VAV1: variants seen among roughly 807,000 people sequenced by gnomAD.
VAV1 encodes the protein proto-oncogene vav.
In VAV1, 33 loss-of-function variants were observed where a neutral mutation model predicts 128.1. The observed-to-expected ratio is 0.26, with a 90% confidence interval of 0.20 to 0.34. The LOEUF is 0.34. Ranked by LOEUF, VAV1 falls within the 10% of genes least tolerant of loss-of-function variation. The pLI is 1.00. For synonymous variants in VAV1, 394 were observed against 409.8 expected (o/e 0.96, Z 0.47); for missense variants, 715 against 1,093.7 (o/e 0.65, Z 4.88).
chr19:6,796,255 GA>G (rs201259230), intron 1 of VAV1, among the ~76,000 whole-genome samples: 1 of 152,156 alleles, frequency 6.6e-6, no homozygotes, highest in Non-Finnish European at 1.5e-5. Context: ...GTGTACTCGA[GA>G]GAGAGGTGGG....
chr19:6,821,763 C>T, intron 3 of VAV1, 28 bp from the exon 4 acceptor site: 1 of 1,613,976 alleles, frequency 6.2e-7, no homozygotes, highest in Non-Finnish European at 8.5e-7. Flanking sequence ...CCCCCAGGCC[C>T]CTGGCTCACA....
At chr19:6,823,018 A>G (rs991317448) in intron 6 of VAV1, among the ~76,000 whole-genome samples, 4 of 147,966 alleles carry the variant, frequency 2.7e-5, no homozygotes, top group Non-Finnish European at 6.0e-5. Context: ...ATAGGTATAT[A>G]TCTTTTTATA....
intron 15 of VAV1, among the ~76,000 whole-genome samples, chr19:6,832,653 T>TCC (rs1972108311): frequency 1.7e-5 from 2 of 119,664 alleles, no homozygotes; most frequent in African/African-American, 2.9e-5. Context: ...CCTCCCCTTC[T>TCC]TCCTCCTCCT....
chr19:6,800,206 T>C (rs569232020), intron 1 of VAV1, among the ~76,000 whole-genome samples: 43 of 151,958 alleles, frequency 2.8e-4, no homozygotes, highest in African/African-American at 1.0e-3. Flanking sequence ...GGTAAAAAAA[T>C]AATAGTAATA....
At chr19:6,852,879 G>T in intron 24 of VAV1, 86 bp from the exon 25 acceptor site, 1 of 1,038,834 alleles carries the variant, frequency 9.6e-7, no homozygotes, top group Non-Finnish European at 1.5e-6. Context: ...TGCTTCATGT[G>T]AGGAGTTGCA....
At chr19:6,852,778 T>C (rs546754097) in intron 24 of VAV1, among the ~76,000 whole-genome samples, 187 bp from the exon 25 acceptor site, 2 of 150,534 alleles carry the variant, frequency 1.3e-5, no homozygotes, top group Non-Finnish European at 3.0e-5. Flanking sequence ...CCCTTCCCCA[T>C]AAATAGTCCT....
chr19:6,847,213 G>T (rs1244782367), intron 22 of VAV1, among the ~76,000 whole-genome samples: 1 of 152,050 alleles, frequency 6.6e-6, no homozygotes, highest in Non-Finnish European at 1.5e-5. Context: ...CGCCCAGCCA[G>T]TGCCATTTGG....
At chr19:6,800,693 C>A (rs780416467) in intron 1 of VAV1, among the ~76,000 whole-genome samples, 11 of 151,938 alleles carry the variant, frequency 7.2e-5, no homozygotes, top group Non-Finnish European at 1.6e-4. Context: ...GTGATCTCGG[C>A]TCACTGCCAC....
Position 6,853,027 on chromosome 19 carries a change from C to A in VAV1, c.2280C>A (p.Thr760=). Residue 760 remains threonine, a synonymous_variant, in exon 25 of 27, where the codon ACC becomes ACA. Coordinates refer to ENST00000602142, the MANE Select transcript of VAV1 (RefSeq NM_005428.4). The part of the protein sequence containing the change: ...LKDCFKSLDT[T]LQFPFKEPEK... ...ATTGCTTCAAGTCTCTGGACACCACCTTGCAGTTCCCCTTCAAGGAGCCTG... is the reference window on the plus strand; with the variant it reads ...ATTGCTTCAAGTCTCTGGACACCACATTGCAGTTCCCCTTCAAGGAGCCTG... 1.2e-6 allele frequency: 2 copies of A among 1,611,966 alleles called. No homozygotes were observed. Among genetic ancestry groups the A allele is most frequent in the Admixed American group, 3.3e-5 (2 of 59,958 alleles).
intron 26 of VAV1, among the ~76,000 whole-genome samples, chr19:6,854,485 G>A (rs915727170): frequency 2.0e-5 from 3 of 152,078 alleles, no homozygotes; most frequent in African/African-American, 7.2e-5. Context: ...GGCTGAGGTG[G>A]GAGGATCTCT....
Position 6,857,258 on chromosome 19 carries a change from A to C in VAV1, c.*151A>C. The C allele has an allele frequency of 2.0e-6, 2 of 1,017,120 alleles. No individual in the cohort carries two copies. Among genetic ancestry groups the C allele is most frequent in the Non-Finnish European group, 2.8e-6 (2 of 706,114 alleles). 63.0% of individuals were successfully genotyped at this position (1,017,120 alleles called of 1,614,324 possible). ...GCGTCCAGCTGGCGGTGCTCCCGGG[A>C]TGTGCCCTGACATGGTTAATTTATA... On this transcript the variant is annotated 3_prime_UTR_variant, in exon 27 of 27. Coordinates refer to ENST00000602142, the MANE Select transcript of VAV1 (RefSeq NM_005428.4).
chr19:6,821,747 A>G (rs918075547), intron 3 of VAV1, 44 bp from the exon 4 acceptor site: 29 of 1,613,284 alleles, frequency 1.8e-5, no homozygotes, highest in Non-Finnish European at 2.3e-5. Context: ...CCCCACTTCT[A>G]CCCAGCCCCC....
intron 1 of VAV1, among the ~76,000 whole-genome samples, chr19:6,813,510 G>A (rs1220206510): frequency 1.3e-5 from 2 of 152,128 alleles, no homozygotes; most frequent in Admixed American, 6.5e-5. Context: ...ACCATTGGGG[G>A]CCATCCTGGA....
At chr19:6,775,854 C>T (rs573352771) in intron 1 of VAV1, among the ~76,000 whole-genome samples, 1 of 152,154 alleles carries the variant, frequency 6.6e-6, no homozygotes, top group Non-Finnish European at 1.5e-5. Flanking sequence ...AGGAAAGGTG[C>T]TCCTGTGGAG....
At chr19:6,785,890 T>G (rs1970881115) in intron 1 of VAV1, among the ~76,000 whole-genome samples, 1 of 151,842 alleles carries the variant, frequency 6.6e-6, no homozygotes, top group Admixed American at 6.6e-5. Flanking sequence ...AACTCATGAC[T>G]TCAAGTGATC....
intron 15 of VAV1, 120 bp from the exon 16 acceptor site, chr19:6,833,060 GCCAA>G: frequency 1.2e-6 from 1 of 817,584 alleles, no homozygotes; most frequent in Non-Finnish European, 1.9e-6. Context: ...CGACCCAAAA[GCCAA>G]TCAATGAATG....
At chr19:6,779,047 TTTTG>T (rs1198275987) in intron 1 of VAV1, among the ~76,000 whole-genome samples, 8 of 144,102 alleles carry the variant, frequency 5.6e-5, no homozygotes, top group Admixed American at 4.8e-4. Flanking sequence ...TGGGTGATTT[TTTTG>T]TTTGTCTGTC....
chr19:6,793,921 C>A (rs1235547486), intron 1 of VAV1, among the ~76,000 whole-genome samples: 2 of 152,006 alleles, frequency 1.3e-5, no homozygotes, highest in African/African-American at 2.4e-5. Context: ...CAAGCAGTAT[C>A]CATTAAATGA....
At chr19:6,829,102 T>C (rs1032863564) in intron 13 of VAV1, among the ~76,000 whole-genome samples, 1 of 144,446 alleles carries the variant, frequency 6.9e-6, no homozygotes, top group Non-Finnish European at 1.5e-5. Flanking sequence ...GGCTTCTAGA[T>C]AGGCAGATGG....
Sources: gnomAD v4.1 joint callset for allele counts (sites outside exome capture counted in the v4.1 genomes callset) on GRCh38, gnomAD v4.1.1 for gene constraint, MANE v1.5 for transcripts, NCBI Gene and HGNC (gene_info 2026-07-23, HGNC 2026-07-21) for gene names.